RIC1: variants seen among roughly 807,000 people sequenced by gnomAD.
The protein encoded by RIC1 is guanine nucleotide exchange factor subunit RIC1.
RIC1 carries 88 observed loss-of-function variants against 169.0 expected under a neutral mutation model. The ratio of observed to expected loss-of-function variants is 0.52; its 90% CI spans 0.44 to 0.62. The LOEUF is 0.62. Among genes scored for constraint, RIC1 ranks in the 20% least tolerant of loss-of-function variants. RIC1 has a pLI of 0.00. For missense variants in RIC1, 1,877 were observed against 1,725.5 expected, an observed-to-expected ratio of 1.09 and a Z score of -1.56; for synonymous variants, 790 against 601.5, an observed-to-expected ratio of 1.31 and a Z score of -4.59.
intron 3 of RIC1, among the ~76,000 whole-genome samples, chr9:5,701,263 A>C (rs930600170): frequency 3.3e-5 from 5 of 152,130 alleles, no homozygotes; most frequent in African/African-American, 1.2e-4. Context: ...TTTTATGGGC[A>C]TCTATATTGA....
At chr9:5,714,936 G>T (rs1465136321) in intron 4 of RIC1, among the ~76,000 whole-genome samples, 1 of 152,144 alleles carries the variant, frequency 6.6e-6, no homozygotes, top group Non-Finnish European at 1.5e-5. Context: ...CTGACTCACA[G>T]TTCTAAGTAA....
intron 10 of RIC1, 26 bp downstream of exon 10, chr9:5,743,763 C>G (rs1277288165): frequency 6.5e-7 from 1 of 1,539,386 alleles, no homozygotes; most frequent in Non-Finnish European, 8.8e-7. Flanking sequence ...AAAAAATTGG[C>G]ATGGTATTAA....
chr9:5,655,058 C>T (rs1214707669), intron 1 of RIC1, among the ~76,000 whole-genome samples: 1 of 152,128 alleles, frequency 6.6e-6, no homozygotes, highest in Non-Finnish European at 1.5e-5. Flanking sequence ...CCTTCCCAAT[C>T]TCTTTACCTT....
rs1235775261 is a variant in RIC1 at position 5,686,641 on chromosome 9, G to T, written c.253-3318G>T. 2.5e-5 allele frequency among the ~76,000 whole-genome samples: 3 copies of T among 121,374 alleles called. No homozygotes were observed. The East Asian group carries it at 9.0e-4, about 37-fold the overall frequency. 79.6% of individuals were successfully genotyped at this position (121,374 alleles called of 152,430 possible). On this transcript the variant is annotated intron_variant, in intron 2 of 25. Transcript: ENST00000414202. Reference sequence around the variant, plus strand: ...GGGGACTGTGGTGGGGTGGGGGGAGGGGGGAGGGATAGCACTGGGAGATAT... The same window carrying T: ...GGGGACTGTGGTGGGGTGGGGGGAGTGGGGAGGGATAGCACTGGGAGATAT...
chr9:5,708,715 C>T (rs977760905), intron 3 of RIC1, among the ~76,000 whole-genome samples: 49 of 151,996 alleles, frequency 3.2e-4, no homozygotes, highest in Non-Finnish European at 5.9e-4. Context: ...CATGATGTGT[C>T]TCTGTGTGCA....
intron 2 of RIC1, among the ~76,000 whole-genome samples, chr9:5,672,279 G>A (rs140510868): frequency 2.0e-3 from 301 of 152,284 alleles, no homozygotes; most frequent in African/African-American, 6.7e-3. Flanking sequence ...TTAACTTTAC[G>A]ATGTAAGACC....
At chr9:5,703,223 A>G (rs1216822362) in intron 3 of RIC1, among the ~76,000 whole-genome samples, 1 of 152,218 alleles carries the variant, frequency 6.6e-6, no homozygotes, top group Non-Finnish European at 1.5e-5. Context: ...CAATGGGAAT[A>G]CAGACATTGG....
At chr9:5,678,552 AGAT>A (rs1408685303) in intron 2 of RIC1, among the ~76,000 whole-genome samples, 3 of 151,988 alleles carry the variant, frequency 2.0e-5, no homozygotes, top group South Asian at 4.1e-4. Flanking sequence ...AACTGGTGTG[AGAT>A]GATATCTCAT....
At chr9:5,702,905 C>G (rs1822323960) in intron 3 of RIC1, among the ~76,000 whole-genome samples, 1 of 152,128 alleles carries the variant, frequency 6.6e-6, no homozygotes, top group Non-Finnish European at 1.5e-5. Context: ...AAGAACAGCA[C>G]CAAAGGGGAA....
chr9:5,777,416 C>A (rs866561468), downstream of RIC1, among the ~76,000 whole-genome samples: 556 of 140,520 alleles, frequency 4.0e-3, 1 homozygote, highest in Middle Eastern at 0.015. Context: ...AAAAAAAAAA[C>A]AAATTGAGTG....
chr9:5,643,891 A>G (rs1020501600), intron 1 of RIC1, among the ~76,000 whole-genome samples: 2 of 152,230 alleles, frequency 1.3e-5, no homozygotes, highest in African/African-American at 4.8e-5. Context: ...ATGAGCAGGC[A>G]TCAATTGGTT....
chr9:5,694,926 A>G (rs1395887130), intron 3 of RIC1, among the ~76,000 whole-genome samples: 4 of 152,148 alleles, frequency 2.6e-5, no homozygotes, highest in African/African-American at 9.7e-5. Flanking sequence ...AGCTCTAGGC[A>G]CTGTTGTAGA....
Position 5,770,096 on chromosome 9 carries a change from A to G in RIC1, c.3434A>G (p.Gln1145Arg), listed in dbSNP as rs1345116650. The G allele has an allele frequency of 6.2e-7, 1 of 1,611,506 alleles. No homozygotes were observed. Among genetic ancestry groups the G allele is most frequent in the East Asian group, 2.2e-5 (1 of 44,704 alleles). ...CGGACCCACTCTGCAGTGGGAGAGCAGCTGTTAAAGTCTCAATCAGCTGAC... is the reference window on the plus strand; with the variant it reads ...CGGACCCACTCTGCAGTGGGAGAGCGGCTGTTAAAGTCTCAATCAGCTGAC... ...KNGKYRTVGEQLLKSQSADPF... is the reference protein window; with the variant it reads ...KNGKYRTVGERLLKSQSADPF... The change falls in exon 23 of 26, where the codon CAG becomes CGG. Residue 1145 changes from glutamine to arginine, a missense_variant. Gln to Arg is a conservative substitution (Grantham distance 43). Transcript: ENST00000414202.
At chr9:5,717,842 A>T (rs182008125) in intron 4 of RIC1, among the ~76,000 whole-genome samples, 1,571 of 137,418 alleles carry the variant, frequency 0.011, 23 homozygotes, top group African/African-American at 0.039. Flanking sequence ...GTTTAAAAAT[A>T]AAAAAAAAAA....
At chr9:5,761,379 G>A (rs1826330681) in intron 17 of RIC1, among the ~76,000 whole-genome samples, 1 of 151,996 alleles carries the variant, frequency 6.6e-6, no homozygotes. Flanking sequence ...CCCACCAAAT[G>A]CTGGGATTAC....
At chr9:5,714,028 C>G in intron 4 of RIC1, 25 bp downstream of exon 4, 1 of 1,479,648 alleles carries the variant, frequency 6.8e-7, no homozygotes, top group Non-Finnish European at 9.4e-7. Flanking sequence ...TTAAATTTGA[C>G]ATTGTGTGAT....
chr9:5,721,078 T>A (rs1269271290), intron 6 of RIC1, among the ~76,000 whole-genome samples: 1 of 152,226 alleles, frequency 6.6e-6, no homozygotes, highest in Non-Finnish European at 1.5e-5. Flanking sequence ...TAGGCTGTGT[T>A]TATTGACTTC....
At chr9:5,662,243 A>G (rs1819495382) in intron 2 of RIC1, among the ~76,000 whole-genome samples, 1 of 152,054 alleles carries the variant, frequency 6.6e-6, no homozygotes, top group Admixed American at 6.5e-5. Context: ...TATTTTGTTG[A>G]GAATTTTTGC....
chr9:5,742,341 C>T (rs1825130126), intron 8 of RIC1, among the ~76,000 whole-genome samples: 2 of 152,098 alleles, frequency 1.3e-5, no homozygotes, highest in South Asian at 2.1e-4. Flanking sequence ...CACTTTGTCT[C>T]AGTATTTTTT....
Sources: gnomAD v4.1 joint callset for allele counts (sites outside exome capture counted in the v4.1 genomes callset) on GRCh38, gnomAD v4.1.1 for gene constraint, MANE v1.5 for transcripts, NCBI Gene and HGNC (gene_info 2026-07-23, HGNC 2026-07-21) for gene names.